The following CTNND2 variants were observed in gnomAD, a reference collection of about 807,000 sequenced individuals.
The protein encoded by CTNND2 is catenin delta-2.
CTNND2 carries 22 observed loss-of-function variants against 144.4 expected under a neutral mutation model. That is an observed-to-expected ratio of 0.15 (90% CI 0.11 to 0.22). The LOEUF is 0.22. Ranked by LOEUF, CTNND2 falls within the 10% of genes least tolerant of loss-of-function variation. CTNND2 has a pLI of 1.00. For synonymous variants in CTNND2, 751 were observed against 695.6 expected (o/e 1.08, Z -1.25); for missense variants, 1,353 against 1,618.8 (o/e 0.84, Z 2.82).
intron 12 of CTNND2, among the ~76,000 whole-genome samples, chr5:11,129,256 A>AT (rs1755280311): frequency 1.4e-5 from 1 of 69,540 alleles, no homozygotes; most frequent in African/African-American, 5.1e-5. Flanking sequence ...ATTATATAAA[A>AT]ATATAAATAT....
intron 16 of CTNND2, among the ~76,000 whole-genome samples, chr5:11,070,533 A>G (rs1167040286): frequency 1.3e-5 from 2 of 152,186 alleles, no homozygotes; most frequent in East Asian, 3.9e-4. Context: ...GAAGGACAGG[A>G]AAGTGAGATG....
chr5:11,720,443 C>T (rs899318092), intron 2 of CTNND2, among the ~76,000 whole-genome samples: 1 of 152,124 alleles, frequency 6.6e-6, no homozygotes, highest in Non-Finnish European at 1.5e-5. Flanking sequence ...ACGCTTTATC[C>T]TAAGCTCTTC....
intron 16 of CTNND2, among the ~76,000 whole-genome samples, chr5:11,076,769 C>T (rs1017474942): frequency 6.6e-6 from 1 of 152,106 alleles, no homozygotes; most frequent in Non-Finnish European, 1.5e-5. Flanking sequence ...GTTCAATAGC[C>T]TATTTAGAGT....
chr5:11,775,415 G>A (rs987912513), intron 1 of CTNND2, among the ~76,000 whole-genome samples: 6 of 152,162 alleles, frequency 3.9e-5, no homozygotes, highest in African/African-American at 1.4e-4. Flanking sequence ...ACACTCCTGA[G>A]GATAAGACGA....
intron 3 of CTNND2, among the ~76,000 whole-genome samples, chr5:11,437,536 C>G (rs190675040): frequency 1.3e-5 from 2 of 152,120 alleles, no homozygotes; most frequent in Non-Finnish European, 2.9e-5. Flanking sequence ...GATGTGAGAA[C>G]TAAACTGTGA....
At chr5:11,266,910 A>ATG in intron 9 of CTNND2, among the ~76,000 whole-genome samples, 1 of 151,990 alleles carries the variant, frequency 6.6e-6, no homozygotes, top group African/African-American at 2.4e-5. Context: ...ACGGAGTCCA[A>ATG]CTCTGTTGCC....
chr5:11,103,053 C>T (rs1752070056), intron 14 of CTNND2, among the ~76,000 whole-genome samples: 1 of 131,402 alleles, frequency 7.6e-6, no homozygotes, highest in Non-Finnish European at 1.5e-5. Context: ...ACAATCTTGG[C>T]TCACTGCAAC....
In CTNND2 at chr5:11,148,426, G is replaced by A. The variant is rs537554272; in HGVS notation, c.2159+11150C>T. ...TCTGGTCATAACAGAAGGTGTTGCC[G>A]GGTGGAAGGGCTCGTTTCTGCTGCT... is the stretch of plus-strand genomic sequence containing the variant. On this transcript the variant is annotated intron_variant, in intron 12 of 21. Transcript: ENST00000304623. 3.9e-5 allele frequency among the ~76,000 whole-genome samples: 6 copies of A among 152,326 alleles called. No individual in the cohort carries two copies. In the East Asian group the frequency reaches 5.8e-4, roughly 15 times the overall value.
chr5:11,784,012 G>C (rs920092092), intron 1 of CTNND2, among the ~76,000 whole-genome samples: 1 of 152,156 alleles, frequency 6.6e-6, no homozygotes, highest in African/African-American at 2.4e-5. Context: ...TCAGTAGATG[G>C]ACCACATACC....
In CTNND2 at chr5:11,098,555, T is replaced by C. The variant is rs1300889510; in HGVS notation, c.2637+20A>G. ...GCTCATAACTCCAGATTTCTTTTTA[T>C]TGTAATGAACTGGCCATACCTTCCA... On this transcript the variant is annotated intron_variant, in intron 15 of 21. Transcript: ENST00000304623. 4 of 1,591,304 alleles carry C rather than the reference T, an allele frequency of 2.5e-6. No homozygotes were observed. Among genetic ancestry groups the C allele is most frequent in the Non-Finnish European group, 2.6e-6 (3 of 1,170,270 alleles).
chr5:11,857,070 TA>T (rs770087948), intron 1 of CTNND2, among the ~76,000 whole-genome samples: 8 of 152,340 alleles, frequency 5.3e-5, no homozygotes, highest in East Asian at 3.9e-4. Context: ...TATTTGAACT[TA>T]AAAACCATTC....
intron 1 of CTNND2, among the ~76,000 whole-genome samples, chr5:11,741,509 G>T (rs937681901): frequency 6.6e-6 from 1 of 151,944 alleles, no homozygotes; most frequent in Non-Finnish European, 1.5e-5. Flanking sequence ...ACAGGTGGGA[G>T]GTGAACAATG....
intron 16 of CTNND2, among the ~76,000 whole-genome samples, chr5:11,075,471 A>G (rs565474910): frequency 1.3e-5 from 2 of 152,346 alleles, no homozygotes; most frequent in South Asian, 2.1e-4. Flanking sequence ...CAGTCCTGCA[A>G]AGCACAGAAG....
At chr5:11,715,482 T>A (rs1786301002) in intron 2 of CTNND2, among the ~76,000 whole-genome samples, 1 of 152,148 alleles carries the variant, frequency 6.6e-6, no homozygotes, top group African/African-American at 2.4e-5. Context: ...CTCCAAAACC[T>A]CCTGTTAGTC....
At chr5:11,630,824 G>A (rs1301328167) in intron 2 of CTNND2, among the ~76,000 whole-genome samples, 1 of 151,840 alleles carries the variant, frequency 6.6e-6, no homozygotes, top group African/African-American at 2.4e-5. Flanking sequence ...CGTGGTGGTG[G>A]GTGTCTGTAA....
intron 1 of CTNND2, among the ~76,000 whole-genome samples, chr5:11,828,496 C>G (rs1277432368): frequency 6.6e-6 from 1 of 152,120 alleles, no homozygotes; most frequent in Non-Finnish European, 1.5e-5. Flanking sequence ...TGCCACTGGA[C>G]TCCGGCCTGG....
intron 3 of CTNND2, among the ~76,000 whole-genome samples, chr5:11,436,349 T>C (rs1763773152): frequency 6.6e-6 from 1 of 152,170 alleles, no homozygotes. Context: ...GGCTATTTAT[T>C]AGAGCAATTT....
intron 3 of CTNND2, among the ~76,000 whole-genome samples, chr5:11,422,478 G>C (rs1273784522): frequency 2.0e-5 from 3 of 152,118 alleles, no homozygotes; most frequent in African/African-American, 7.2e-5. Flanking sequence ...AGCTAATTTT[G>C]TTGGCACTGG....
intron 12 of CTNND2, among the ~76,000 whole-genome samples, chr5:11,141,567 G>C (rs1039310059): frequency 1.3e-5 from 2 of 152,180 alleles, no homozygotes; most frequent in African/African-American, 2.4e-5. Flanking sequence ...GAACGGTTAA[G>C]TTTGGATATG....
Sources: allele counts gnomAD v4.1 joint callset (sites outside exome capture counted in the v4.1 genomes callset), GRCh38; gene constraint gnomAD v4.1.1; transcripts MANE v1.5; gene names NCBI Gene and HGNC (gene_info 2026-07-23, HGNC 2026-07-21).